Variants in FSTL4 observed in about 807,000 individuals in gnomAD.
FSTL4 encodes the protein follistatin like 4, also known as follistatin-related protein 4.
In FSTL4, 28 loss-of-function variants were observed where a neutral mutation model predicts 78.2. The ratio of observed to expected loss-of-function variants is 0.36; its 90% CI spans 0.27 to 0.49. The LOEUF (loss-of-function observed/expected upper bound fraction) is 0.49. Ranked by LOEUF, FSTL4 falls within the 20% of genes least tolerant of loss-of-function variation. The probability of loss-of-function intolerance (pLI) is 0.98; values close to 1 mark genes in which losing one functional copy is unlikely to be tolerated. For synonymous variants in FSTL4, 422 were observed against 440.5 expected (o/e 0.96, Z 0.53); for missense variants, 922 against 1,084.9 (o/e 0.85, Z 2.11).
At chr5:133,257,654 A>G (rs549851943) in intron 6 of FSTL4, among the ~76,000 whole-genome samples, 14 of 152,252 alleles carry the variant, frequency 9.2e-5, no homozygotes, top group African/African-American at 2.4e-4. Context: ...CAGGAGAGGC[A>G]TCCATCAGAA....
At chr5:133,723,648 T>C in the FSTL4 span, among the ~76,000 whole-genome samples, 1 of 152,166 alleles carries the variant, frequency 6.6e-6, no homozygotes, top group African/African-American at 2.4e-5. Context: ...AGGCAGGGGA[T>C]TGTGGCTGCT....
chr5:133,624,305 C>G, the FSTL4 span, among the ~76,000 whole-genome samples: 1 of 151,826 alleles, frequency 6.6e-6, no homozygotes, highest in South Asian at 2.1e-4. Context: ...TACAACATAG[C>G]TGAATCTCAA....
chr5:133,349,337 T>TG (rs1754773002), intron 4 of FSTL4, among the ~76,000 whole-genome samples: 1 of 100,282 alleles, frequency 1.0e-5, no homozygotes, highest in African/African-American at 3.7e-5. Flanking sequence ...GTGTGTGTGT[T>TG]TCTCCATGTG....
chr5:133,576,702 C>T (rs1461732815), intron 2 of FSTL4, among the ~76,000 whole-genome samples: 3 of 152,176 alleles, frequency 2.0e-5, no homozygotes, highest in African/African-American at 7.2e-5. Flanking sequence ...CAGGCCTCAA[C>T]TTCCTGAAGA....
the FSTL4 span, among the ~76,000 whole-genome samples, chr5:133,763,005 C>G: frequency 3.3e-5 from 5 of 152,192 alleles, no homozygotes; most frequent in African/African-American, 1.2e-4. Context: ...TCATCCTCTT[C>G]CTAACAGTTC....
intron 4 of FSTL4, among the ~76,000 whole-genome samples, chr5:133,322,225 C>A (rs1241362856): frequency 2.1e-5 from 3 of 140,404 alleles, no homozygotes; most frequent in African/African-American, 5.7e-5. Flanking sequence ...ACACACACAC[C>A]CACACACACA....
intron 3 of FSTL4, among the ~76,000 whole-genome samples, chr5:133,564,239 T>C (rs1759979764): frequency 6.6e-6 from 1 of 152,200 alleles, no homozygotes; most frequent in South Asian, 2.1e-4. Context: ...CAAAACCCTA[T>C]TTCCAAATAA....
the FSTL4 span, among the ~76,000 whole-genome samples, chr5:133,784,486 G>A: frequency 6.6e-6 from 1 of 152,184 alleles, no homozygotes; most frequent in Non-Finnish European, 1.5e-5. Flanking sequence ...TAAGCATAAT[G>A]TGAGGTGGAC....
chr5:133,500,319 T>TACA (rs1307744612), intron 3 of FSTL4, among the ~76,000 whole-genome samples: 1 of 152,208 alleles, frequency 6.6e-6, no homozygotes, highest in East Asian at 1.9e-4. Flanking sequence ...ACCCTTAGCA[T>TACA]TGAGACTGGA....
chr5:133,549,539 T>C (rs1363529354), intron 3 of FSTL4, among the ~76,000 whole-genome samples: 1 of 152,254 alleles, frequency 6.6e-6, no homozygotes, highest in Non-Finnish European at 1.5e-5. Context: ...CTGGTCTTCA[T>C]AGTTCCTTTC....
the FSTL4 span, among the ~76,000 whole-genome samples, chr5:133,697,704 C>T: frequency 6.6e-6 from 1 of 152,240 alleles, no homozygotes; most frequent in Non-Finnish European, 1.5e-5. Flanking sequence ...GGCTCTGGCC[C>T]TCAGAGGCAG....
At chr5:133,819,013 A>G in the FSTL4 span, among the ~76,000 whole-genome samples, 1 of 145,382 alleles carries the variant, frequency 6.9e-6, no homozygotes, top group Non-Finnish European at 1.5e-5. Flanking sequence ...GAATTTCTAG[A>G]ACGAAGGAGA....
At chr5:133,296,958 T>C (rs541366875) in intron 6 of FSTL4, among the ~76,000 whole-genome samples, 1 of 152,314 alleles carries the variant, frequency 6.6e-6, no homozygotes, top group Non-Finnish European at 1.5e-5. Flanking sequence ...GTGGGCACAC[T>C]GCAGCCTCAG....
At chr5:133,663,386 T>A in the FSTL4 span, among the ~76,000 whole-genome samples, 4 of 152,208 alleles carry the variant, frequency 2.6e-5, no homozygotes, top group African/African-American at 9.7e-5. Flanking sequence ...TTCTTGCAAT[T>A]TTTTGTGAGC....
the FSTL4 span, among the ~76,000 whole-genome samples, chr5:133,674,717 G>A: frequency 1.3e-5 from 2 of 152,060 alleles, no homozygotes; most frequent in Non-Finnish European, 2.9e-5. Context: ...ACCATGCCTG[G>A]CACACAGTGG....
chr5:133,730,041 C>G, the FSTL4 span, among the ~76,000 whole-genome samples: 1 of 152,168 alleles, frequency 6.6e-6, no homozygotes, highest in Non-Finnish European at 1.5e-5. Flanking sequence ...GACTGCTTGT[C>G]CACTTCTCAG....
intron 12 of FSTL4, among the ~76,000 whole-genome samples, chr5:133,217,679 T>C (rs1014075172): frequency 1.3e-5 from 2 of 152,250 alleles, no homozygotes; most frequent in African/African-American, 2.4e-5. Context: ...CTTCTGTTCA[T>C]GGCCAAACTT....
the FSTL4 span, among the ~76,000 whole-genome samples, chr5:133,619,550 G>A: frequency 1.3e-5 from 2 of 152,156 alleles, no homozygotes; most frequent in African/African-American, 2.4e-5. Context: ...GTCGAGATGC[G>A]TTTTGTACAT....
At chr5:133,431,933 C>T (rs949997660) in intron 3 of FSTL4, among the ~76,000 whole-genome samples, 5 of 152,038 alleles carry the variant, frequency 3.3e-5, no homozygotes, top group African/African-American at 1.2e-4. Flanking sequence ...TACATTGGAA[C>T]CATTTTATAT....
Sources: allele counts gnomAD v4.1 joint callset (sites outside exome capture counted in the v4.1 genomes callset), GRCh38; gene constraint gnomAD v4.1.1; transcripts MANE v1.5; gene names NCBI Gene and HGNC (gene_info 2026-07-23, HGNC 2026-07-21).